Variants in CABCOCO1 observed in about 807,000 individuals in gnomAD.
The protein encoded by CABCOCO1 is ciliary associated calcium binding coiled-coil 1.
A neutral mutation model predicts 35.7 loss-of-function variants in CABCOCO1; 28 were observed. That is an observed-to-expected ratio of 0.78 (90% CI 0.58 to 1.07). The LOEUF (loss-of-function observed/expected upper bound fraction) is 1.07. Ranked by LOEUF, CABCOCO1 falls within the 50% of genes least tolerant of loss-of-function variation. The probability of loss-of-function intolerance (pLI) is 0.00; values close to 1 mark genes in which losing one functional copy is unlikely to be tolerated. For synonymous variants in CABCOCO1, 95 were observed against 100.1 expected (o/e 0.95, Z 0.30); for missense variants, 326 against 309.2 (o/e 1.05, Z -0.41).
At chr10:61,710,927 C>A (rs180856128) in intron 5 of CABCOCO1, among the ~76,000 whole-genome samples, 1 of 151,810 alleles carries the variant, frequency 6.6e-6, no homozygotes, top group Non-Finnish European at 1.5e-5. Flanking sequence ...GGTCAAATGA[C>A]CCAAATGTAT....
At chr10:61,733,024 C>T (rs1477617225) in intron 5 of CABCOCO1, among the ~76,000 whole-genome samples, 1 of 151,986 alleles carries the variant, frequency 6.6e-6, no homozygotes, top group Non-Finnish European at 1.5e-5. Flanking sequence ...TCTGTTTCTA[C>T]ATTTACTAAG....
chr10:61,691,164 G>T (rs1310276599), intron 5 of CABCOCO1, among the ~76,000 whole-genome samples: 1 of 152,066 alleles, frequency 6.6e-6, no homozygotes, highest in African/African-American at 2.4e-5. Flanking sequence ...CTGAATTTGG[G>T]CTACTGTTGC....
rs1841952026 is a variant in CABCOCO1, at chr10:61,758,934, A to C, written c.553-1125A>C. Among the ~76,000 whole-genome samples, 10 of 152,152 alleles carry C rather than the reference A, an allele frequency of 6.6e-5. No individual in the cohort carries two copies. The South Asian group carries it at 1.9e-3, about 28-fold the overall frequency. ...ATCTAAATCAAAAACATTAATATTT[A>C]AATGATGACATGTAACATATTTATT... On this transcript the variant is annotated intron_variant, in intron 5 of 7. Coordinates refer to ENST00000648843, the MANE Select transcript of CABCOCO1 (RefSeq NM_001366906.2).
chr10:61,714,846 T>C (rs1163747915), intron 5 of CABCOCO1, among the ~76,000 whole-genome samples: 1 of 152,238 alleles, frequency 6.6e-6, no homozygotes, highest in Non-Finnish European at 1.5e-5. Flanking sequence ...TAATCCTAAG[T>C]TCTAATTTGA....
intron 4 of CABCOCO1, among the ~76,000 whole-genome samples, chr10:61,688,946 C>A (rs549122774): frequency 6.6e-6 from 1 of 152,146 alleles, no homozygotes; most frequent in Non-Finnish European, 1.5e-5. Context: ...TGCCCCCAAG[C>A]CTGCAGCTTT....
At chr10:61,744,320 C>A (rs914430476) in intron 5 of CABCOCO1, among the ~76,000 whole-genome samples, 1 of 151,980 alleles carries the variant, frequency 6.6e-6, no homozygotes, top group Non-Finnish European at 1.5e-5. Context: ...ATGTAAATAA[C>A]CTTAATTTAT....
At chr10:61,667,346 G>GT (rs1215794097) in intron 1 of CABCOCO1, among the ~76,000 whole-genome samples, 2 of 150,726 alleles carry the variant, frequency 1.3e-5, no homozygotes, top group Admixed American at 1.3e-4. Flanking sequence ...TCAATATCAT[G>GT]TCGTTTTACA....
chr10:61,757,166 C>T (rs561165699), intron 5 of CABCOCO1, among the ~76,000 whole-genome samples: 82 of 151,692 alleles, frequency 5.4e-4, no homozygotes, highest in African/African-American at 1.7e-3. Flanking sequence ...CAGACGGTTT[C>T]ATTTAAACGT....
chr10:61,747,260 A>G (rs1333311592), intron 5 of CABCOCO1, among the ~76,000 whole-genome samples: 1 of 152,142 alleles, frequency 6.6e-6, no homozygotes, highest in Non-Finnish European at 1.5e-5. Flanking sequence ...TGGTGTGGTA[A>G]TATTACCTTC....
chr10:61,696,693 T>TG (rs1261835620), intron 5 of CABCOCO1, among the ~76,000 whole-genome samples: 3 of 151,978 alleles, frequency 2.0e-5, no homozygotes, highest in Non-Finnish European at 4.4e-5. Flanking sequence ...TTGGTTGAGA[T>TG]GGGGGTCTCA....
intron 5 of CABCOCO1, among the ~76,000 whole-genome samples, chr10:61,714,094 C>T (rs1044655164): frequency 1.3e-5 from 2 of 152,116 alleles, no homozygotes; most frequent in African/African-American, 4.8e-5. Flanking sequence ...GGTACCAGCT[C>T]CTCTTAGTAC....
chr10:61,728,425 C>T lies in CABCOCO1; in HGVS notation c.553-31634C>T, dbSNP rs536725058. Among the ~76,000 whole-genome samples, 4 of 152,198 alleles carry T rather than the reference C, an allele frequency of 2.6e-5. No homozygotes were observed. The South Asian group carries it at 8.3e-4, about 32-fold the overall frequency. On this transcript the variant is annotated intron_variant, in intron 5 of 7. Transcript: ENST00000648843. ...TTTGCAAAGCAGCACCAAATATCAC[C>T]CAGCCCCTGCAGATCTCTGGGCAAA...
At chr10:61,753,335 T>G (rs1284894899) in intron 5 of CABCOCO1, among the ~76,000 whole-genome samples, 1 of 152,050 alleles carries the variant, frequency 6.6e-6, no homozygotes, top group Non-Finnish European at 1.5e-5. Flanking sequence ...ATACTCTGAG[T>G]GGCTTGTAAA....
chr10:61,663,275 G>A (rs7071852), intron 1 of CABCOCO1: 80,910 of 156,742 alleles, frequency 0.52, 23,717 homozygotes, highest in Middle Eastern at 0.72. Flanking sequence ...CGGTGCCAGC[G>A]GGTCTAAATG....
chr10:61,763,492 T>C (rs1278922272), intron 7 of CABCOCO1, among the ~76,000 whole-genome samples: 3 of 152,060 alleles, frequency 2.0e-5, no homozygotes, highest in Non-Finnish European at 4.4e-5. Flanking sequence ...AAAATGAAAT[T>C]ATTTTGGCCC....
chr10:61,671,103 G>A (rs1216488800), intron 1 of CABCOCO1, among the ~76,000 whole-genome samples: 1 of 152,150 alleles, frequency 6.6e-6, no homozygotes, highest in Non-Finnish European at 1.5e-5. Flanking sequence ...GAGGCGGGCA[G>A]GTCACGAGGT....
intron 5 of CABCOCO1, among the ~76,000 whole-genome samples, chr10:61,754,364 G>A (rs924573302): frequency 1.3e-5 from 2 of 151,946 alleles, no homozygotes; most frequent in African/African-American, 2.4e-5. Context: ...TTTGCACCAC[G>A]GCCAGATCAA....
rs67841126 is a variant in CABCOCO1, at chr10:61,757,700, G to GACACACACACAC, written c.553-2345_553-2334dup. 8.9e-3 allele frequency among the ~76,000 whole-genome samples: 1,312 copies of GACACACACACAC among 147,854 alleles called. 15 individuals carry two copies. Among genetic ancestry groups the GACACACACACAC allele is most frequent in the African/African-American group, 0.031 (1,243 of 40,248 alleles). ...TGTGCCCAGTACACACACACACACA[G>GACACACACACAC]ACACACACACACACACACACACACA... On this transcript the variant is annotated intron_variant, in intron 5 of 7. Coordinates refer to ENST00000648843, the MANE Select transcript of CABCOCO1 (RefSeq NM_001366906.2).
At chr10:61,727,863 C>T (rs375980466) in intron 5 of CABCOCO1, among the ~76,000 whole-genome samples, 11 of 152,264 alleles carry the variant, frequency 7.2e-5, no homozygotes, top group African/African-American at 2.6e-4. Flanking sequence ...GAATACTTTT[C>T]TCCTGTTCCA....
Sources: gnomAD v4.1 joint callset for allele counts (sites outside exome capture counted in the v4.1 genomes callset) on GRCh38, gnomAD v4.1.1 for gene constraint, MANE v1.5 for transcripts, NCBI Gene and HGNC (gene_info 2026-07-23, HGNC 2026-07-21) for gene names.